Variants in CCDC152 observed in about 807,000 individuals in gnomAD.
The protein encoded by CCDC152 is coiled-coil domain-containing protein 152.
CCDC152 carries 37 observed loss-of-function variants against 38.1 expected under a neutral mutation model. That is an observed-to-expected ratio of 0.97 (90% CI 0.75 to 1.28). The LOEUF (loss-of-function observed/expected upper bound fraction) is 1.28, where lower values mean the gene tolerates loss of function less well. Among genes scored for constraint, CCDC152 ranks in the 50% most tolerant of loss-of-function variants. The pLI is 0.00. For synonymous variants in CCDC152, 83 were observed against 87.1 expected, an observed-to-expected ratio of 0.95 and a Z score of 0.26; for missense variants, 259 against 292.1, an observed-to-expected ratio of 0.89 and a Z score of 0.83.
chr5:42,777,936 T>A (rs1416709256), intron 4 of CCDC152, among the ~76,000 whole-genome samples: 6 of 152,356 alleles, frequency 3.9e-5, no homozygotes, highest in Non-Finnish European at 8.8e-5. Context: ...AATAGTTTCA[T>A]AAGTGGACTC....
Position 42,799,409 on chromosome 5 carries a change from C to G in CCDC152, c.593C>G (p.Ser198Ter). The G allele has an allele frequency of 6.5e-7, 1 of 1,545,120 alleles. No homozygotes were observed. The highest frequency in any genetic ancestry group is 1.4e-5 in the African/African-American group (1 of 72,932). The change falls in exon 8 of 9, where the codon TCA becomes TGA. Residue 198 changes from serine (S) to a stop codon, truncating the protein, a stop_gained. Transcript: ENST00000361970. LOFTEE classifies it high-confidence loss of function. ...AAACTAGCAAGAGTTCAGACTAAATCAAAATCATATCAGGATTCTACTGTT... is the reference window on the plus strand; with the variant it reads ...AAACTAGCAAGAGTTCAGACTAAATGAAAATCATATCAGGATTCTACTGTT... ...DAKLARVQTK[S>*]KSYQDSTVLP...
At chr5:42,763,429 C>G (rs1561271900) in intron 3 of CCDC152, among the ~76,000 whole-genome samples, 1 of 152,298 alleles carries the variant, frequency 6.6e-6, no homozygotes, top group East Asian at 1.9e-4. Context: ...TGGCTCCACA[C>G]TCATTAATCG....
chr5:42,802,023 T>G lies in CCDC152; in HGVS notation c.*2242T>G, dbSNP rs1048295817. ...ACTATATGATACTGTAATCTAATAT[T>G]ATCTCTGATAATTCAAAAATGCTAA... On this transcript the variant is annotated 3_prime_UTR_variant, in exon 9 of 9. Transcript: ENST00000361970. 4.6e-5 allele frequency: 7 copies of G among 152,358 alleles called. No individual in the cohort carries two copies. The highest frequency in any genetic ancestry group is 1.7e-4 in the African/African-American group (7 of 41,582). The allele number at this position is 152,358 out of a possible 1,614,324, so 9.4% of individuals were successfully genotyped here.
chr5:42,783,114 C>G (rs1020410239), intron 5 of CCDC152, among the ~76,000 whole-genome samples: 9 of 152,148 alleles, frequency 5.9e-5, no homozygotes, highest in African/African-American at 2.2e-4. Flanking sequence ...TCGTGATCTG[C>G]CTGCCTTAGC....
rs112330150 is a variant in CCDC152 at position 42,785,795 on chromosome 5, C to T, written c.430+2219C>T. Among the ~76,000 whole-genome samples the T allele has an allele frequency of 7.8e-3, 1,190 of 151,892 alleles. 17 individuals carry two copies. The highest frequency in any genetic ancestry group is 0.026 in the African/African-American group (1,079 of 41,458). On this transcript the variant is annotated intron_variant, in intron 6 of 8. Transcript: ENST00000361970. The stretch of plus-strand genomic sequence containing the variant: ...GTATGGCTCTTGTTATTTTGAGGTA[C>T]GTTCCTTCAATGCCTATTTTTTAGG...
intron 5 of CCDC152, among the ~76,000 whole-genome samples, chr5:42,782,276 C>T (rs925672200): frequency 6.6e-6 from 1 of 152,138 alleles, no homozygotes; most frequent in African/African-American, 2.4e-5. Flanking sequence ...TGAACAGTGC[C>T]TTTTGTTGGC....
chr5:42,782,298 G>A (rs1347508528), intron 5 of CCDC152, among the ~76,000 whole-genome samples: 2 of 152,128 alleles, frequency 1.3e-5, no homozygotes, highest in Non-Finnish European at 2.9e-5. Context: ...CTAATGTATA[G>A]TTTTGGCTTA....
In CCDC152 at chr5:42,771,685, A is replaced by G. The variant is rs561645209; in HGVS notation, c.262+2020A>G. ...GATAACCTAGAAGAAATAGTCAAATACCTAAGAATATACAACCTGCCAAAA... is the reference window on the plus strand; with the variant it reads ...GATAACCTAGAAGAAATAGTCAAATGCCTAAGAATATACAACCTGCCAAAA... On this transcript the variant is annotated intron_variant, in intron 4 of 8. Transcript: ENST00000361970. Among the ~76,000 whole-genome samples, 47 of 152,242 alleles carry G rather than the reference A, an allele frequency of 3.1e-4. 1 individual carries two copies. The South Asian group carries it at 9.5e-3, about 31-fold the overall frequency.
rs368272113 is a variant in CCDC152 at position 42,799,498 on chromosome 5, ACTTT to A, written c.642+43_642+46del. 3.1e-4 allele frequency: 414 copies of A among 1,320,786 alleles called. 6 individuals carry two copies. The South Asian group carries it at 5.4e-3, about 17-fold the overall frequency. The allele number at this position is 1,320,786 out of a possible 1,614,324, so 81.8% of individuals were successfully genotyped here. On this transcript the variant is annotated intron_variant, in intron 8 of 8. Coordinates refer to ENST00000361970, the MANE Select transcript of CCDC152 (RefSeq NM_001134848.2). ...CTCTCAGTATTTGTTGCTTAAGAAA[ACTTT>A]CTAAGCATGTTTCTATAAAAATCAT...
At chr5:42,768,113 T>G (rs1301196707) in intron 3 of CCDC152, among the ~76,000 whole-genome samples, 2 of 152,186 alleles carry the variant, frequency 1.3e-5, no homozygotes, top group Non-Finnish European at 2.9e-5. Flanking sequence ...CTCATTTCTA[T>G]CAGCATAGTT....
At chr5:42,776,245 G>T (rs1759767428) in intron 4 of CCDC152, among the ~76,000 whole-genome samples, 1 of 152,080 alleles carries the variant, frequency 6.6e-6, no homozygotes. Context: ...AAAGCTAAGG[G>T]CTGGAGAAAG....
In CCDC152 at chr5:42,801,139, G is replaced by A. The variant is rs985640463; in HGVS notation, c.*1358G>A. On this transcript the variant is annotated 3_prime_UTR_variant, in exon 9 of 9. Coordinates refer to ENST00000361970, the MANE Select transcript of CCDC152 (RefSeq NM_001134848.2). ...CCCTTGTGCTTATGGTGGTGATGAA[G>A]GCCTGGAGGAGCAGGATGAGTAGGA... is the stretch of plus-strand genomic sequence containing the variant. The A allele has an allele frequency of 1.9e-6, 3 of 1,614,154 alleles. No homozygotes were observed. The highest frequency in any genetic ancestry group is 2.5e-6 in the Non-Finnish European group (3 of 1,180,028).
At chr5:42,765,896 G>C (rs1304622455) in intron 3 of CCDC152, among the ~76,000 whole-genome samples, 1 of 152,116 alleles carries the variant, frequency 6.6e-6, no homozygotes, top group African/African-American at 2.4e-5. Context: ...AGCAACCAAA[G>C]CAAACACAGA....
intron 4 of CCDC152, among the ~76,000 whole-genome samples, chr5:42,770,031 T>G (rs1188289702): frequency 6.6e-6 from 1 of 152,222 alleles, no homozygotes; most frequent in Non-Finnish European, 1.5e-5. Context: ...TAAACCACAG[T>G]GATAGTTTAC....
intron 4 of CCDC152, among the ~76,000 whole-genome samples, chr5:42,773,085 T>A (rs772591844): frequency 3.9e-5 from 6 of 152,228 alleles, no homozygotes; most frequent in Admixed American, 1.3e-4. Flanking sequence ...GATTTCTTGT[T>A]TCTAGTCTAA....
rs762703471 is a variant in CCDC152 at position 42,790,807 on chromosome 5, TCA to T, written c.431-6021_431-6020del. On this transcript the variant is annotated intron_variant, in intron 6 of 8. Transcript: ENST00000361970. ...GCTTGCCTTCGTAGCCCTATCAAGC[TCA>T]GTCATTGACTGGGAGTAGCTCTTGA... Among the ~76,000 whole-genome samples the T allele has an allele frequency of 2.3e-4, 35 of 152,234 alleles. 1 individual carries two copies. Among genetic ancestry groups the T allele is most frequent in the Non-Finnish European group, 4.1e-4 (28 of 68,044 alleles).
chr5:42,775,805 T>G (rs759655634), intron 4 of CCDC152, among the ~76,000 whole-genome samples: 1 of 151,960 alleles, frequency 6.6e-6, no homozygotes, highest in East Asian at 1.9e-4. Flanking sequence ...GAAGGAATTA[T>G]GAATACTTTA....
intron 6 of CCDC152, among the ~76,000 whole-genome samples, chr5:42,794,050 G>T (rs1410121256): frequency 6.6e-6 from 1 of 152,214 alleles, no homozygotes; most frequent in African/African-American, 2.4e-5. Flanking sequence ...GATAGAATTA[G>T]TAAGCTGGAG....
At chr5:42,767,010 A>T (rs1442106710) in intron 3 of CCDC152, among the ~76,000 whole-genome samples, 1 of 152,184 alleles carries the variant, frequency 6.6e-6, no homozygotes, top group East Asian at 1.9e-4. Context: ...TTATCAAAAC[A>T]TCTCATGTAC....
Sources: allele counts gnomAD v4.1 joint callset (sites outside exome capture counted in the v4.1 genomes callset), GRCh38; gene constraint gnomAD v4.1.1; transcripts MANE v1.5; gene names NCBI Gene and HGNC (gene_info 2026-07-23, HGNC 2026-07-21).